Variants in ZNF189 observed in about 807,000 individuals in gnomAD.
ZNF189 encodes the protein zinc finger protein 189.
Under a neutral mutation model 53.5 loss-of-function variants are expected in ZNF189, and 33 were observed. The observed-to-expected ratio is 0.62, with a 90% CI of 0.47 to 0.82. ZNF189 has a LOEUF of 0.82. ZNF189 is among the 40% of genes least tolerant of loss of function. The pLI is 0.00. For missense variants in ZNF189, 711 were observed against 753.9 expected (o/e 0.94, Z 0.67); for synonymous variants, 247 against 238.8 (o/e 1.03, Z -0.32).
intron 1 of ZNF189, 115 bp from the exon 2 acceptor site, chr9:101,399,769 T>G: frequency 6.6e-7 from 1 of 1,506,020 alleles, no homozygotes; most frequent in South Asian, 1.2e-5. Flanking sequence ...GAACTTTCAG[T>G]TATCATGTTC....
intron 2 of ZNF189, among the ~76,000 whole-genome samples, chr9:101,400,715 T>G (rs1830502050): frequency 6.6e-6 from 1 of 152,344 alleles, no homozygotes; most frequent in South Asian, 2.1e-4. Flanking sequence ...GGGACCCTGC[T>G]TTCCACTTTT....
At chr9:101,403,549 T>A (rs547176300) in intron 2 of ZNF189, among the ~76,000 whole-genome samples, 1 of 152,334 alleles carries the variant, frequency 6.6e-6, no homozygotes, top group South Asian at 2.1e-4. Context: ...CAAGCTTATT[T>A]TTAAAAAAAC....
At chr9:101,403,805 C>G (rs907481235) in intron 2 of ZNF189, among the ~76,000 whole-genome samples, 2 of 152,188 alleles carry the variant, frequency 1.3e-5, no homozygotes, top group African/African-American at 4.8e-5. Context: ...TTCCCAAAGG[C>G]CCCGCCTCCA....
In ZNF189 at chr9:101,409,948, TA is replaced by T. The variant is rs1166529544; in HGVS notation, c.*300del. ...GCTCTGAGGGACAAAGTTGGATTAG[TA>T]TAAGGGAGCTGGAGCAGCTGATAGT... On this transcript the variant is annotated 3_prime_UTR_variant, in exon 3 of 3. Coordinates refer to ENST00000339664, the MANE Select transcript of ZNF189 (RefSeq NM_003452.4). 1.1e-5 allele frequency: 3 copies of T among 270,264 alleles called. No homozygotes were observed. The highest frequency in any genetic ancestry group is 2.1e-5 in the Non-Finnish European group (3 of 143,358). The allele number at this position is 270,264 out of a possible 1,614,324, so 16.7% of individuals were successfully genotyped here.
At chr9:101,399,417 AG>A (rs1278650507) in intron 1 of ZNF189, 22 of 1,365,490 alleles carry the variant, frequency 1.6e-5, no homozygotes, top group Admixed American at 3.6e-5. Flanking sequence ...AATCGGCCTG[AG>A]AAAATAAGTA....
chr9:101,408,292 C>T lies in ZNF189; in HGVS notation c.524C>T (p.Pro175Leu), dbSNP rs1161513809. 2.5e-6 allele frequency: 4 copies of T among 1,614,016 alleles called. No individual in the cohort carries two copies. In the African/African-American group the frequency reaches 4.0e-5, roughly 16 times the overall value. ...CAAAGGGTCCATACTGGTGAGAAAC[C>T]TTTTCAGTGCAATGAATGTGGGAAA... ...QHQRVHTGEK[P>L]FQCNECGKSF... The change falls in exon 3 of 3, where the codon CCT becomes CTT. Residue 175 changes from proline to leucine, a missense_variant. Transcript: ENST00000339664.
At position 101,409,221 on chromosome 9, in the gene ZNF189, CTA is replaced by C. The variant is rs1390495600; in HGVS notation, c.1455_1456del (p.Cys486TyrfsTer15). On this transcript the variant is annotated frameshift_variant, in exon 3 of 3. Coordinates refer to ENST00000339664, the MANE Select transcript of ZNF189 (RefSeq NM_003452.4). LOFTEE classifies it high-confidence loss of function. ...AATCCACACTGGTGAAAAGCCCTAT[CTA>C]TGTACTGTCTGTGGGAAAAGCTTCA... ...QRIHTGEKPY[L>X]CTVCGKSFSR... 3.7e-6 allele frequency: 6 copies of C among 1,613,378 alleles called. No individual in the cohort carries two copies. The highest frequency in any genetic ancestry group is 5.1e-6 in the Non-Finnish European group (6 of 1,179,570).
Position 101,409,441 on chromosome 9 carries a change from A to G in ZNF189, c.1673A>G (p.His558Arg). The G allele has an allele frequency of 1.9e-6, 3 of 1,614,206 alleles. No homozygotes were observed. The highest frequency in any genetic ancestry group is 2.5e-6 in the Non-Finnish European group (3 of 1,180,024). The change falls in exon 3 of 3, where the codon CAT becomes CGT. Residue 558 changes from histidine (H) to arginine (R), a missense_variant. By Grantham distance (29) the His-to-Arg change is conservative. Coordinates refer to ENST00000339664, the MANE Select transcript of ZNF189 (RefSeq NM_003452.4). ...AFSRNSGLIQ[H>R]QRIHTGEKPY... ...AGCCGGAACTCGGGTCTTATTCAGC[A>G]TCAGAGAATACACACAGGAGAGAAA... is the stretch of plus-strand genomic sequence containing the variant.
In ZNF189 at chr9:101,408,549, A is replaced by G; in HGVS notation, c.781A>G (p.Lys261Glu). ...QRIHTGEKPHKCSDCGKAFSW... is the reference protein window; with the variant it reads ...QRIHTGEKPHECSDCGKAFSW... ...GATTCATACAGGTGAGAAACCCCATAAATGTAGTGACTGTGGGAAAGCCTT... is the reference window on the plus strand; with the variant it reads ...GATTCATACAGGTGAGAAACCCCATGAATGTAGTGACTGTGGGAAAGCCTT... The change falls in exon 3 of 3, where the codon AAA (lysine) becomes GAA (glutamate). Residue 261 changes from lysine to glutamate, a missense_variant. Transcript: ENST00000339664. 1 of 1,614,192 alleles carries G rather than the reference A, an allele frequency of 6.2e-7. No individual in the cohort carries two copies. Among genetic ancestry groups the G allele is most frequent in the East Asian group, 2.2e-5 (1 of 44,870 alleles).
At chr9:101,403,847 C>G (rs1830620298) in intron 2 of ZNF189, among the ~76,000 whole-genome samples, 1 of 152,222 alleles carries the variant, frequency 6.6e-6, no homozygotes. Flanking sequence ...AGGGCTTCAC[C>G]ATATGAATAT....
rs1830424699 is a variant in ZNF189, at chr9:101,399,027, G to C, written c.-130G>C. ...TCGTGACCGTCTGGGGGCCGAGGCAGGCACTGGCCAGACCCAGCCAGGGAT... is the reference window on the plus strand; with the variant it reads ...TCGTGACCGTCTGGGGGCCGAGGCACGCACTGGCCAGACCCAGCCAGGGAT... On this transcript the variant is annotated 5_prime_UTR_variant, in exon 1 of 3. Transcript: ENST00000339664. 1.3e-5 allele frequency: 10 copies of C among 750,082 alleles called. No homozygotes were observed. The highest frequency in any genetic ancestry group is 2.4e-5 in the Non-Finnish European group (10 of 413,896). The allele number at this position is 750,082 out of a possible 1,614,324, so 46.5% of individuals were successfully genotyped here.
Position 101,399,200 on chromosome 9 carries a change from A to ACC in ZNF189, c.33+17_33+18dup. 1 of 1,569,536 alleles carries ACC rather than the reference A, an allele frequency of 6.4e-7. No individual in the cohort carries two copies. Among genetic ancestry groups the ACC allele is most frequent in the Non-Finnish European group, 8.7e-7 (1 of 1,149,508 alleles). ...CCGCCGGAGTCGAAGGTAAGTAAGC[A>ACC]CCCCCCCGGGGATCCCGGTTGTCTC... On this transcript the variant is annotated intron_variant, in intron 1 of 2. Transcript: ENST00000339664.
chr9:101,404,420 T>G (rs1031309937), intron 2 of ZNF189, among the ~76,000 whole-genome samples: 5 of 152,206 alleles, frequency 3.3e-5, no homozygotes, highest in African/African-American at 1.2e-4. Flanking sequence ...ATTGAGATCC[T>G]TATAATATTG....
At chr9:101,401,694 A>G (rs774446574) in intron 2 of ZNF189, among the ~76,000 whole-genome samples, 1 of 152,104 alleles carries the variant, frequency 6.6e-6, no homozygotes, top group Admixed American at 6.5e-5. Context: ...TCTTGCCTCT[A>G]ATACTCCCTT....
intron 1 of ZNF189, chr9:101,399,636 T>G: frequency 2.3e-6 from 3 of 1,294,656 alleles, no homozygotes; most frequent in Non-Finnish European, 3.0e-6. Context: ...GGAGAGGCCT[T>G]GGGGCAGTTT....
intron 2 of ZNF189, chr9:101,407,566 A>AT: frequency 4.9e-6 from 2 of 405,340 alleles, no homozygotes; most frequent in South Asian, 1.2e-4. Flanking sequence ...ATTAAAAAAA[A>AT]ATTTTTTTTT....
intron 2 of ZNF189, among the ~76,000 whole-genome samples, chr9:101,406,389 G>A (rs1249446666): frequency 6.6e-6 from 1 of 152,124 alleles, no homozygotes; most frequent in Non-Finnish European, 1.5e-5. Context: ...GAGTAGGATC[G>A]GTAAGTGATG....
intron 2 of ZNF189, among the ~76,000 whole-genome samples, chr9:101,406,933 C>T (rs968569233): frequency 1.3e-5 from 2 of 152,088 alleles, no homozygotes; most frequent in African/African-American, 4.8e-5. Flanking sequence ...GATGGTGAAC[C>T]TTGGGTCTTA....
Position 101,410,148 on chromosome 9 carries a change from T to C in ZNF189, c.*499T>C, listed in dbSNP as rs1379520565. 6.5e-6 allele frequency: 1 copy of C among 153,328 alleles called. No homozygotes were observed. The highest frequency in any genetic ancestry group is 1.5e-5 in the Non-Finnish European group (1 of 68,684). 9.5% of individuals were successfully genotyped at this position (153,328 alleles called of 1,614,324 possible). Reference sequence around the variant, plus strand: ...AACAAGTATACAGTTTTTGTCATTGTTTAAGAAAGCCAGTTGTTTGGCATG... The same window carrying C: ...AACAAGTATACAGTTTTTGTCATTGCTTAAGAAAGCCAGTTGTTTGGCATG... On this transcript the variant is annotated 3_prime_UTR_variant, in exon 3 of 3. Transcript: ENST00000339664.
Sources: gnomAD v4.1 joint callset for allele counts (sites outside exome capture counted in the v4.1 genomes callset) on GRCh38, gnomAD v4.1.1 for gene constraint, MANE v1.5 for transcripts, NCBI Gene and HGNC (gene_info 2026-07-23, HGNC 2026-07-21) for gene names.